SCAMP1: variants seen among roughly 807,000 people sequenced by gnomAD.
The protein encoded by SCAMP1 is secretory carrier membrane protein 1.
In SCAMP1, 15 loss-of-function variants were observed where a neutral mutation model predicts 41.8. That is an observed-to-expected ratio of 0.36 (90% CI 0.24 to 0.55). The LOEUF (loss-of-function observed/expected upper bound fraction) is 0.55, where lower values mean the gene tolerates loss of function less well. SCAMP1 is among the 20% of genes least tolerant of loss of function. SCAMP1 has a pLI of 0.86. For missense variants in SCAMP1, 341 were observed against 412.6 expected, an observed-to-expected ratio of 0.83 and a Z score of 1.50; for synonymous variants, 135 against 136.8, an observed-to-expected ratio of 0.99 and a Z score of 0.09.
chr5:78,460,304 AT>A (rs1342727420), intron 8 of SCAMP1, among the ~76,000 whole-genome samples: 17 of 152,192 alleles, frequency 1.1e-4, no homozygotes, highest in Admixed American at 1.1e-3. Flanking sequence ...TGGAAGGTCT[AT>A]TTTTACTTCT....
intron 6 of SCAMP1, among the ~76,000 whole-genome samples, chr5:78,440,216 A>G (rs1752883344): frequency 6.6e-6 from 1 of 152,136 alleles, no homozygotes. Context: ...CAACTCGTCA[A>G]AGTCATTCTC....
chr5:78,449,091 A>T lies in SCAMP1; in HGVS notation c.633-842A>T, dbSNP rs1753152550. On this transcript the variant is annotated intron_variant, in intron 6 of 8. Transcript: ENST00000621999. ...TTAAAAAGTTAAACGTATACCTATGATATGTTCCAGCCTTCCCACTTGTAG... is the reference window on the plus strand; with the variant it reads ...TTAAAAAGTTAAACGTATACCTATGTTATGTTCCAGCCTTCCCACTTGTAG... Among the ~76,000 whole-genome samples the T allele has an allele frequency of 2.6e-5, 4 of 152,214 alleles. No individual in the cohort carries two copies. In the South Asian group the frequency reaches 8.3e-4, roughly 32 times the overall value.
intron 1 of SCAMP1, among the ~76,000 whole-genome samples, chr5:78,377,108 A>G (rs1390541602): frequency 6.6e-6 from 1 of 151,248 alleles, no homozygotes; most frequent in African/African-American, 2.4e-5. Flanking sequence ...GGAGGTAAGG[A>G]AAAAAAAAGC....
At chr5:78,416,297 A>T (rs1022825995) in intron 3 of SCAMP1, among the ~76,000 whole-genome samples, 3 of 152,132 alleles carry the variant, frequency 2.0e-5, no homozygotes, top group African/African-American at 7.2e-5. Flanking sequence ...TACTTTTACT[A>T]AGAGAAGTTT....
chr5:78,414,836 T>G (rs932935711), intron 2 of SCAMP1, among the ~76,000 whole-genome samples: 62 of 152,216 alleles, frequency 4.1e-4, no homozygotes, highest in African/African-American at 1.5e-3. Flanking sequence ...CCAAGAACTT[T>G]CCTGTATACT....
At chr5:78,423,596 C>T (rs1384917383) in intron 6 of SCAMP1, among the ~76,000 whole-genome samples, 1 of 151,958 alleles carries the variant, frequency 6.6e-6, no homozygotes, top group African/African-American at 2.4e-5. Context: ...GGATTTTAAA[C>T]CTTCTGTTAC....
chr5:78,419,644 G>C (rs1487724766), intron 5 of SCAMP1, among the ~76,000 whole-genome samples: 1 of 152,112 alleles, frequency 6.6e-6, no homozygotes, highest in Non-Finnish European at 1.5e-5. Flanking sequence ...AGCTATTGAG[G>C]GTTCTCACAT....
intron 2 of SCAMP1, among the ~76,000 whole-genome samples, chr5:78,405,679 A>G (rs979128193): frequency 1.3e-5 from 2 of 152,110 alleles, no homozygotes; most frequent in African/African-American, 2.4e-5. Flanking sequence ...GTGTTTGCCT[A>G]TTTTGTTCAT....
chr5:78,417,808 G>A (rs1479782829), intron 4 of SCAMP1, among the ~76,000 whole-genome samples: 1 of 152,120 alleles, frequency 6.6e-6, no homozygotes. Context: ...TATGAGAAAT[G>A]AACTATATGA....
chr5:78,463,254 C>T (rs1753661950), intron 8 of SCAMP1, among the ~76,000 whole-genome samples: 1 of 152,250 alleles, frequency 6.6e-6, no homozygotes. Context: ...GATGGCTCCT[C>T]TGCTAAGACT....
chr5:78,422,205 A>G (rs1262162600), intron 6 of SCAMP1, among the ~76,000 whole-genome samples: 1 of 152,160 alleles, frequency 6.6e-6, no homozygotes, highest in Non-Finnish European at 1.5e-5. Context: ...AAATAAGAAC[A>G]GTCTTAGAAG....
At position 78,434,711 on chromosome 5, in the gene SCAMP1, A is replaced by G. The variant is rs73133735; in HGVS notation, c.632+12751A>G. ...TTTGTGAAGATAATCCTCTTGTGCT[A>G]TATGGCATCATTTGCACTTCAGAGT... On this transcript the variant is annotated intron_variant, in intron 6 of 8. Transcript: ENST00000621999. 8.5e-3 allele frequency among the ~76,000 whole-genome samples: 1,302 copies of G among 152,298 alleles called. 21 individuals carry two copies. The highest frequency in any genetic ancestry group is 0.029 in the African/African-American group (1,217 of 41,566).
At chr5:78,452,523 A>G (rs1313915256) in intron 7 of SCAMP1, among the ~76,000 whole-genome samples, 1 of 132,136 alleles carries the variant, frequency 7.6e-6, no homozygotes, top group Non-Finnish European at 1.6e-5. Flanking sequence ...TGAACTCATC[A>G]TTTTTTATGG....
rs1232606146 is a variant in SCAMP1, at chr5:78,477,219, G to A, written c.*1551G>A. ...AAGTTTTCACTATCCATGAAGCAGC[G>A]CTGCATGTCACTAGGTAACACAGAT... On this transcript the variant is annotated 3_prime_UTR_variant, in exon 9 of 9. Coordinates refer to ENST00000621999, the MANE Select transcript of SCAMP1 (RefSeq NM_004866.6). The A allele has an allele frequency of 3.3e-5, 5 of 152,090 alleles. No individual in the cohort carries two copies. Among genetic ancestry groups the A allele is most frequent in the East Asian group, 1.9e-4 (1 of 5,204 alleles). The allele number at this position is 152,090 out of a possible 1,614,324, so 9.4% of individuals were successfully genotyped here.
chr5:78,418,970 A>G, intron 5 of SCAMP1, 67 bp downstream of exon 5: 5 of 1,344,834 alleles, frequency 3.7e-6, no homozygotes, highest in Middle Eastern at 2.3e-4. Flanking sequence ...CCGCATTTTT[A>G]TTTCAAGGAT....
chr5:78,442,102 C>G (rs767224083), intron 6 of SCAMP1, among the ~76,000 whole-genome samples: 2 of 152,088 alleles, frequency 1.3e-5, no homozygotes, highest in African/African-American at 2.4e-5. Flanking sequence ...GCACTCTAGA[C>G]TGGGTGACAT....
intron 7 of SCAMP1, among the ~76,000 whole-genome samples, chr5:78,450,250 T>G (rs920829278): frequency 2.0e-5 from 3 of 152,120 alleles, no homozygotes; most frequent in African/African-American, 7.2e-5. Flanking sequence ...AACAGCACAT[T>G]TTTTCTAGTT....
chr5:78,462,912 G>A (rs1260132418), intron 8 of SCAMP1, among the ~76,000 whole-genome samples: 4 of 152,144 alleles, frequency 2.6e-5, no homozygotes, highest in Non-Finnish European at 4.4e-5. Flanking sequence ...AAGACTTTTT[G>A]ATAGGTCTCA....
chr5:78,382,382 TACAC>T lies in SCAMP1; in HGVS notation c.58-6449_58-6446del, dbSNP rs140440413. On this transcript the variant is annotated intron_variant, in intron 1 of 8. Transcript: ENST00000621999. ...ATATTCATTATATGTATATACTTTATACACACACATACATATACTACAATTTTGT... is the reference window on the plus strand; with the variant it reads ...ATATTCATTATATGTATATACTTTATACACATACATATACTACAATTTTGT... Among the ~76,000 whole-genome samples, 694 of 152,314 alleles carry T rather than the reference TACAC, an allele frequency of 4.6e-3. 9 individuals are homozygous for T. Among genetic ancestry groups the T allele is most frequent in the African/African-American group, 0.016 (665 of 41,544 alleles).
Sources: allele counts gnomAD v4.1 joint callset (sites outside exome capture counted in the v4.1 genomes callset), GRCh38; gene constraint gnomAD v4.1.1; transcripts MANE v1.5; gene names NCBI Gene and HGNC (gene_info 2026-07-23, HGNC 2026-07-21).